The following CDH23 variants were observed in gnomAD, a reference collection of about 807,000 sequenced individuals.
The protein encoded by CDH23 is cadherin related 23.
Under a neutral mutation model 317.1 loss-of-function variants are expected in CDH23, and 189 were observed. The observed-to-expected ratio is 0.60, with a 90% CI of 0.53 to 0.67. The LOEUF (loss-of-function observed/expected upper bound fraction) is 0.67, where lower values mean the gene tolerates loss of function less well. Among genes scored for constraint, CDH23 ranks in the 30% least tolerant of loss-of-function variants. The pLI is 0.00. For missense variants in CDH23, 4,401 were observed against 4,592.4 expected (o/e 0.96, Z 1.20); for synonymous variants, 1,839 against 1,876.8 (o/e 0.98, Z 0.52).
chr10:71,755,206 C>A, intron 38 of CDH23: 1 of 795,632 alleles, frequency 1.3e-6, no homozygotes, highest in Non-Finnish European at 2.1e-6. Context: ...GGCCATTTCG[C>A]CCAGCTCCTG....
intron 38 of CDH23, among the ~76,000 whole-genome samples, chr10:71,773,785 G>A (rs1177571351): frequency 1.3e-5 from 2 of 152,176 alleles, no homozygotes; most frequent in African/African-American, 2.4e-5. Context: ...AGCCTAAGAA[G>A]TAGATCTACC....
intron 15 of CDH23, among the ~76,000 whole-genome samples, chr10:71,675,903 C>CTTTTTTT (rs66656163): frequency 7.4e-5 from 9 of 120,876 alleles, no homozygotes; most frequent in Non-Finnish European, 1.5e-4. Flanking sequence ...AGCCCTCTAA[C>CTTTTTTT]TTTTTTTTTT....
intron 11 of CDH23, among the ~76,000 whole-genome samples, chr10:71,638,565 C>G (rs1219537499): frequency 1.3e-5 from 2 of 152,202 alleles, no homozygotes; most frequent in African/African-American, 2.4e-5. Context: ...AGAAGTCAGG[C>G]CACCCAACCC....
chr10:71,777,440 C>G (rs1478098398), intron 38 of CDH23, among the ~76,000 whole-genome samples: 1 of 150,570 alleles, frequency 6.6e-6, no homozygotes, highest in South Asian at 2.1e-4. Flanking sequence ...TGCTGGGGGT[C>G]GCAGACATAG....
intron 38 of CDH23, chr10:71,760,759 G>C (rs1020469989): frequency 1.2e-5 from 12 of 1,016,054 alleles, no homozygotes; most frequent in Admixed American, 1.7e-5. Flanking sequence ...GGACCGGGGG[G>C]TTCTGAGGGC....
At chr10:71,434,875 G>T (rs887615668) in intron 1 of CDH23, among the ~76,000 whole-genome samples, 1 of 152,176 alleles carries the variant, frequency 6.6e-6, no homozygotes, top group Admixed American at 6.5e-5. Context: ...GCCTGGGAGG[G>T]CAGATGAAAC....
Position 71,807,898 on chromosome 10 carries a change from G to A in CDH23, c.8613G>A (p.Leu2871=). The change falls in exon 60 of 70, where the codon CTG becomes CTA. Residue 2871 remains leucine, a synonymous_variant. Transcript: ENST00000224721. ...CAGAGTTGATCCAGGTGCTGGCCCT[G>A]GATGCAGACATTGGCAACAACAGCC... The part of the protein sequence containing the change: ...VGSELIQVLA[L]DADIGNNSLV... The A allele has an allele frequency of 6.2e-7, 1 of 1,604,178 alleles. No individual in the cohort carries two copies. The highest frequency in any genetic ancestry group is 8.5e-7 in the Non-Finnish European group (1 of 1,175,408).
chr10:71,695,610 C>A, intron 22 of CDH23, 85 bp downstream of exon 22: 1 of 912,992 alleles, frequency 1.1e-6, no homozygotes, highest in Non-Finnish European at 1.8e-6. Context: ...GGGGGCCTTC[C>A]CCTATGGGGC....
At chr10:71,423,891 C>T (rs773567301) in intron 1 of CDH23, among the ~76,000 whole-genome samples, 2 of 152,224 alleles carry the variant, frequency 1.3e-5, no homozygotes, top group Non-Finnish European at 2.9e-5. Flanking sequence ...GTCTGCCCTG[C>T]CTGCTCTCAC....
Position 71,732,240 on chromosome 10 carries a change from G to A in CDH23, c.3969G>A (p.Leu1323=). The part of the protein sequence containing the change: ...FSNASYEAAI[L]ENLALGTEIV... The stretch of plus-strand genomic sequence containing the variant: ...ATGCCTCATACGAGGCTGCCATCCT[G>A]GAGAATCTGGCACTGGGTACTGAGA... Residue 1323 remains leucine (L), a synonymous_variant, in exon 32 of 70, where the codon CTG becomes CTA. Transcript: ENST00000224721. 1 of 1,613,754 alleles carries A rather than the reference G, an allele frequency of 6.2e-7. No individual in the cohort carries two copies. The highest frequency in any genetic ancestry group is 8.5e-7 in the Non-Finnish European group (1 of 1,179,776).
At chr10:71,635,978 A>C (rs1013381243) in intron 11 of CDH23, among the ~76,000 whole-genome samples, 2 of 151,994 alleles carry the variant, frequency 1.3e-5, no homozygotes, top group East Asian at 3.9e-4. Context: ...AATCCCTTTC[A>C]TGAGGACTCT....
At chr10:71,434,233 T>C (rs1172708427) in intron 1 of CDH23, among the ~76,000 whole-genome samples, 1 of 152,210 alleles carries the variant, frequency 6.6e-6, no homozygotes, top group Non-Finnish European at 1.5e-5. Context: ...GACCCTCAGC[T>C]GGTTCCTGCA....
Position 71,807,597 on chromosome 10 carries a change from C to T in CDH23, c.8390C>T (p.Ala2797Val), listed in dbSNP as rs370532702. 4 of 1,614,002 alleles carry T rather than the reference C, an allele frequency of 2.5e-6. No homozygotes were observed. Among genetic ancestry groups the T allele is most frequent in the African/African-American group, 1.3e-5 (1 of 75,060 alleles). ...VLRDLDREREAIFSFIVKASS... is the reference protein window; with the variant it reads ...VLRDLDREREVIFSFIVKASS... Reference sequence around the variant, plus strand: ...CGGGACCTGGACCGGGAGCGAGAAGCCATCTTCTCCTTCATCGTCAAGGCC... The same window carrying T: ...CGGGACCTGGACCGGGAGCGAGAAGTCATCTTCTCCTTCATCGTCAAGGCC... The change falls in exon 59 of 70, where the codon GCC becomes GTC. Residue 2797 changes from alanine (A) to valine (V), a missense_variant. Around this residue, in one of 3 missense-constraint regions of CDH23, gnomAD observed 1,144 missense variants for 1,138.2 expected, o/e 1.01. Coordinates refer to ENST00000224721, the MANE Select transcript of CDH23 (RefSeq NM_022124.6).
At chr10:71,430,486 C>T (rs926913773) in intron 1 of CDH23, among the ~76,000 whole-genome samples, 2 of 152,158 alleles carry the variant, frequency 1.3e-5, no homozygotes, top group African/African-American at 4.8e-5. Flanking sequence ...AGATATTTGT[C>T]GTGGCTTTCT....
chr10:71,658,704 G>A (rs556868188), intron 14 of CDH23, among the ~76,000 whole-genome samples: 2 of 152,194 alleles, frequency 1.3e-5, no homozygotes, highest in East Asian at 1.9e-4. Flanking sequence ...GCTGGGGCCC[G>A]GAGAGGTGAG....
At chr10:71,649,401 C>G (rs1009321702) in intron 14 of CDH23, among the ~76,000 whole-genome samples, 3 of 152,228 alleles carry the variant, frequency 2.0e-5, no homozygotes, top group Admixed American at 2.0e-4. Context: ...AAGGCAGGAG[C>G]CGAGCGTCCC....
Position 71,591,219 on chromosome 10 carries a change from C to T in CDH23, c.832+13227C>T, listed in dbSNP as rs140771917. ...CAGAGGCGAGGATAACAGCTTCACC[C>T]GAATGCTGGTTCCCCAACTGTAAGA... On this transcript the variant is annotated intron_variant, in intron 9 of 69. Transcript: ENST00000224721. Among the ~76,000 whole-genome samples the T allele has an allele frequency of 2.2e-4, 33 of 152,226 alleles. No homozygotes were observed. In the South Asian group the frequency reaches 2.7e-3, roughly 12 times the overall value.
chr10:71,725,255 C>T lies in CDH23; in HGVS notation c.3431-117C>T, dbSNP rs559393485. ...TGTGAATTCTGTGTCCCAGAAGACC[C>T]GCAGCCTCCTCACAAGGAGGGGACT... On this transcript the variant is annotated intron_variant, in intron 29 of 69. Coordinates refer to ENST00000224721, the MANE Select transcript of CDH23 (RefSeq NM_022124.6). The T allele has an allele frequency of 2.2e-4, 336 of 1,517,722 alleles. 1 individual carries two copies. The African/African-American group carries it at 2.8e-3, about 13-fold the overall frequency. The allele number at this position is 1,517,722 out of a possible 1,614,324, so 94.0% of individuals were successfully genotyped here.
chr10:71,544,519 G>A (rs540570311), intron 6 of CDH23, among the ~76,000 whole-genome samples: 34 of 152,296 alleles, frequency 2.2e-4, no homozygotes, highest in Middle Eastern at 3.4e-3. Flanking sequence ...CCCCACGCCC[G>A]CTCCCACCCT....
Sources: gnomAD v4.1 joint callset for allele counts (sites outside exome capture counted in the v4.1 genomes callset) on GRCh38, gnomAD v4.1.1 for gene constraint, gnomAD v4.1.1 regional missense constraint, MANE v1.5 for transcripts, NCBI Gene and HGNC (gene_info 2026-07-23, HGNC 2026-07-21) for gene names.